The following GUCY1B1 variants were observed in gnomAD, a reference collection of about 807,000 sequenced individuals.
GUCY1B1 encodes guanylate cyclase soluble subunit beta-1.
Under a neutral mutation model 71.0 loss-of-function variants are expected in GUCY1B1, and 43 were observed. The ratio of observed to expected loss-of-function variants is 0.61; its 90% CI spans 0.47 to 0.78. GUCY1B1 has a LOEUF of 0.78. Ranked by LOEUF, GUCY1B1 falls within the 30% of genes least tolerant of loss-of-function variation. GUCY1B1 has a pLI of 0.00. For missense variants in GUCY1B1, 535 were observed against 754.1 expected (o/e 0.71, Z 3.40); for synonymous variants, 266 against 259.7 (o/e 1.02, Z -0.23).
Position 155,802,533 on chromosome 4 carries a change from G to A in GUCY1B1, c.1367G>A (p.Arg456Lys). The A allele has an allele frequency of 1.2e-6, 2 of 1,612,188 alleles. No individual in the cohort carries two copies. Among genetic ancestry groups the A allele is most frequent in the Non-Finnish European group, 1.7e-6 (2 of 1,179,102 alleles). ...AACCTCCTCAACGACCTCTACACCA[G>A]ATTTGACACACTGACTGATTCCCGG... ...IVNLLNDLYT[R>K]FDTLTDSRKN... Residue 456 changes from arginine (R) to lysine (K), a missense_variant, in exon 10 of 14, where the codon AGA becomes AAA. Coordinates refer to ENST00000264424, the MANE Select transcript of GUCY1B1 (RefSeq NM_000857.5). This position sits in a 1 kb window ranked among gnomAD's most constrained non-coding sequence, Gnocchi z 4.3.
chr4:155,802,424 G>A lies in GUCY1B1; in HGVS notation c.1258G>A (p.Val420Met). 6.2e-7 allele frequency: 1 copy of A among 1,613,798 alleles called. No homozygotes were observed. The highest frequency in any genetic ancestry group is 8.5e-7 in the Non-Finnish European group (1 of 1,179,768). ...AGTGCCTGCCAAAAGATATGACAAT[G>A]TGACCATCCTCTTTAGTGGCATTGT... ...RPVPAKRYDN[V>M]TILFSGIVGF... The change falls in exon 10 of 14, where the codon GTG becomes ATG. Residue 420 changes from valine (V) to methionine (M), a missense_variant. Coordinates refer to ENST00000264424, the MANE Select transcript of GUCY1B1 (RefSeq NM_000857.5). This position sits in a 1 kb window ranked among gnomAD's most constrained non-coding sequence, Gnocchi z 4.3.
rs147335378 is a variant in GUCY1B1, at chr4:155,765,373, C to G, written c.77+5513C>G. Among the ~76,000 whole-genome samples, 37 of 152,272 alleles carry G rather than the reference C, an allele frequency of 2.4e-4. No individual in the cohort carries two copies. In the East Asian group the frequency reaches 6.0e-3, roughly 25 times the overall value. ...AACTGGCTAGATCCGAGGGTGACAGCTCAGCAGACGTGAGTACTTGCAGCT... is the reference window on the plus strand; with the variant it reads ...AACTGGCTAGATCCGAGGGTGACAGGTCAGCAGACGTGAGTACTTGCAGCT... On this transcript the variant is annotated intron_variant, in intron 2 of 13. Coordinates refer to ENST00000264424, the MANE Select transcript of GUCY1B1 (RefSeq NM_000857.5).
chr4:155,785,228 T>C (rs1579224288), intron 4 of GUCY1B1: 2 of 867,350 alleles, frequency 2.3e-6, no homozygotes, highest in Middle Eastern at 2.2e-4. Context: ...ACCTACTCTC[T>C]ATATTTTTCC....
At chr4:155,791,449 G>T (rs1009220721) in intron 5 of GUCY1B1, among the ~76,000 whole-genome samples, 6 of 147,776 alleles carry the variant, frequency 4.1e-5, no homozygotes, top group Non-Finnish European at 6.0e-5. Context: ...TAACAGTATC[G>T]CCTGGGCGCA....
At chr4:155,798,869 G>A (rs1318393353) in intron 8 of GUCY1B1, among the ~76,000 whole-genome samples, 2 of 151,954 alleles carry the variant, frequency 1.3e-5, no homozygotes, top group South Asian at 2.1e-4. Context: ...ATGGAGTCTC[G>A]CTCTGTCACC....
chr4:155,803,497 G>C, intron 10 of GUCY1B1, 127 bp from the exon 11 acceptor site: 1 of 515,338 alleles, frequency 1.9e-6, no homozygotes, highest in Non-Finnish European at 3.2e-6. Flanking sequence ...AGAATTTTAA[G>C]AGAATTAAAG....
intron 2 of GUCY1B1, among the ~76,000 whole-genome samples, chr4:155,760,770 G>T (rs1349034567): frequency 1.3e-5 from 2 of 152,168 alleles, no homozygotes; most frequent in African/African-American, 4.8e-5. Flanking sequence ...CTATCACATT[G>T]TAACAAAGGT....
intron 6 of GUCY1B1, among the ~76,000 whole-genome samples, chr4:155,794,387 A>G (rs544070760): frequency 2.0e-5 from 3 of 152,296 alleles, no homozygotes; most frequent in East Asian, 3.9e-4. Context: ...CACCTTTCAC[A>G]TGTTTATTTA....
chr4:155,765,096 G>A (rs776942086), intron 2 of GUCY1B1, among the ~76,000 whole-genome samples: 1 of 151,748 alleles, frequency 6.6e-6, no homozygotes, highest in South Asian at 2.1e-4. Context: ...TGCACATTAC[G>A]GTGAGCATCA....
chr4:155,788,934 G>A (rs1284496799), intron 4 of GUCY1B1, among the ~76,000 whole-genome samples: 1 of 152,078 alleles, frequency 6.6e-6, no homozygotes, highest in Non-Finnish European at 1.5e-5. Flanking sequence ...AAAATGTATA[G>A]CTTACACCGT....
At position 155,774,953 on chromosome 4, in the gene GUCY1B1, G is replaced by A. The variant is rs34237400; in HGVS notation, c.78-15G>A. 27,846 of 1,352,248 alleles carry A rather than the reference G, an allele frequency of 0.021. 451 individuals carry two copies. The highest frequency in any genetic ancestry group is 0.051 in the South Asian group (4,338 of 85,372). 83.8% of individuals were successfully genotyped at this position (1,352,248 alleles called of 1,614,324 possible). A position where few individuals can be genotyped will look rare whatever the true frequency, so the allele number is the denominator to read the frequency against. On this transcript the variant is annotated splice_polypyrimidine_tract_variant and intron_variant, in intron 2 of 13. Coordinates refer to ENST00000264424, the MANE Select transcript of GUCY1B1 (RefSeq NM_000857.5). The stretch of plus-strand genomic sequence containing the variant: ...TCAACTTTTCTCTTCTGTCTTTCTT[G>A]TTTTTGTTTTCCAGAAAAGAGGCAC...
intron 13 of GUCY1B1, 69 bp from the exon 14 acceptor site, chr4:155,806,317 A>G: frequency 1.1e-6 from 1 of 946,610 alleles, no homozygotes; most frequent in East Asian, 2.6e-5. Context: ...AGAGAAAAAT[A>G]TATTTAATTG....
intron 2 of GUCY1B1, among the ~76,000 whole-genome samples, chr4:155,767,769 A>G (rs1287156776): frequency 1.3e-5 from 2 of 152,084 alleles, no homozygotes; most frequent in Non-Finnish European, 2.9e-5. Flanking sequence ...GAATCATTAG[A>G]TTAGGCCATT....
chr4:155,805,053 A>G, intron 12 of GUCY1B1, 50 bp from the exon 13 acceptor site: 1 of 1,539,274 alleles, frequency 6.5e-7, no homozygotes, highest in South Asian at 1.2e-5. Flanking sequence ...CACCTTCTCT[A>G]TAAAACTTGT....
In GUCY1B1 at chr4:155,791,366, C is replaced by T. The variant is rs750063235; in HGVS notation, c.495+1455C>T. On this transcript the variant is annotated intron_variant, in intron 5 of 13. Coordinates refer to ENST00000264424, the MANE Select transcript of GUCY1B1 (RefSeq NM_000857.5). ...TCCTGACCTCATGATCCGCCCGGCT[C>T]GGCCTTCCAAAGTGCTGGGATTACA... 2.4e-4 allele frequency among the ~76,000 whole-genome samples: 36 copies of T among 150,076 alleles called. 1 individual carries two copies. The highest frequency in any genetic ancestry group is 1.8e-4 in the Non-Finnish European group (12 of 67,422).
intron 4 of GUCY1B1, among the ~76,000 whole-genome samples, chr4:155,786,461 CTTTTTTTTTTTTTTT>C (rs70954058): frequency 4.6e-4 from 17 of 37,150 alleles, no homozygotes; most frequent in South Asian, 1.7e-3. Flanking sequence ...TTCTTTCTTT[CTTTTTTTTTTTTTTT>C]TTTTTTTTTT....
At chr4:155,781,999 T>A (rs1160048532) in intron 4 of GUCY1B1, among the ~76,000 whole-genome samples, 2 of 152,168 alleles carry the variant, frequency 1.3e-5, no homozygotes, top group Non-Finnish European at 2.9e-5. Flanking sequence ...ACTTTTTTAT[T>A]CATAAATTGA....
At chr4:155,772,398 T>TTTTG (rs1360766182) in intron 2 of GUCY1B1, among the ~76,000 whole-genome samples, 5 of 152,138 alleles carry the variant, frequency 3.3e-5, no homozygotes, top group African/African-American at 4.8e-5. Flanking sequence ...AAAAGAGAGG[T>TTTTG]TTTGTTTGTT....
intron 2 of GUCY1B1, among the ~76,000 whole-genome samples, 153 bp downstream of exon 2, chr4:155,760,013 C>T (rs1384462122): frequency 6.6e-6 from 1 of 152,126 alleles, no homozygotes; most frequent in Non-Finnish European, 1.5e-5. Flanking sequence ...TGCAGCTGCG[C>T]TCCCACGCTC....
Sources: allele counts gnomAD v4.1 joint callset (sites outside exome capture counted in the v4.1 genomes callset), GRCh38; gene constraint gnomAD v4.1.1; non-coding constraint Gnocchi (gnomAD v3.1); transcripts MANE v1.5; gene names NCBI Gene and HGNC (gene_info 2026-07-23, HGNC 2026-07-21).